The following HDAC9 variants were observed in gnomAD, a reference collection of about 807,000 sequenced individuals.
HDAC9 encodes histone deacetylase 9.
In HDAC9, 41 loss-of-function variants were observed where a neutral mutation model predicts 139.4. The observed-to-expected ratio is 0.29, with a 90% CI of 0.23 to 0.38. HDAC9 has a LOEUF of 0.38. HDAC9 is among the 10% of genes least tolerant of loss of function. The probability of loss-of-function intolerance (pLI) is 1.00; values close to 1 mark genes in which losing one functional copy is unlikely to be tolerated. For missense variants in HDAC9, 1,147 were observed against 1,297.0 expected (o/e 0.88, Z 1.78); for synonymous variants, 517 against 476.2 (o/e 1.09, Z -1.12).
At chr7:18,976,449 T>C (rs530341519) in intron 25 of HDAC9, among the ~76,000 whole-genome samples, 14 of 152,198 alleles carry the variant, frequency 9.2e-5, no homozygotes, top group South Asian at 2.1e-4. Context: ...GTCCAACAAC[T>C]GGATAAAGGG....
intron 2 of HDAC9, among the ~76,000 whole-genome samples, chr7:18,189,920 G>A (rs11767237): frequency 6.9e-6 from 1 of 145,056 alleles, no homozygotes; most frequent in African/African-American, 2.6e-5. Flanking sequence ...ACTTGTGTGT[G>A]GTGTGTGTGT....
intron 12 of HDAC9, among the ~76,000 whole-genome samples, chr7:18,685,788 A>T (rs756196852): frequency 6.6e-6 from 1 of 152,012 alleles, no homozygotes; most frequent in Non-Finnish European, 1.5e-5. Context: ...AAAATAACCT[A>T]ACTAAATTAG....
chr7:18,374,833 T>C (rs1173166799), intron 1 of HDAC9, among the ~76,000 whole-genome samples: 6 of 152,096 alleles, frequency 3.9e-5, no homozygotes, highest in Non-Finnish European at 8.8e-5. Context: ...TGTACAACAG[T>C]GGTCCCATAA....
intron 21 of HDAC9, among the ~76,000 whole-genome samples, chr7:18,865,131 C>T (rs1460807138): frequency 3.9e-5 from 6 of 152,138 alleles, no homozygotes; most frequent in East Asian, 3.9e-4. Context: ...TTAAGCTGGC[C>T]GGCTGCCATT....
intron 25 of HDAC9, among the ~76,000 whole-genome samples, chr7:18,983,156 G>A (rs146618695): frequency 1.5e-4 from 23 of 152,224 alleles, no homozygotes; most frequent in African/African-American, 4.3e-4. Context: ...TTCTGTTTCA[G>A]AGTTTGACTA....
At chr7:18,540,920 T>C (rs991687765) in intron 2 of HDAC9, among the ~76,000 whole-genome samples, 3 of 152,146 alleles carry the variant, frequency 2.0e-5, no homozygotes, top group Non-Finnish European at 4.4e-5. Flanking sequence ...AGAAGATAGA[T>C]ACTATTATTT....
intron 22 of HDAC9, among the ~76,000 whole-genome samples, chr7:18,903,558 T>C (rs1440053606): frequency 6.6e-6 from 1 of 152,234 alleles, no homozygotes; most frequent in African/African-American, 2.4e-5. Flanking sequence ...TTTTTTACCA[T>C]CGTTTCACTG....
intron 13 of HDAC9, among the ~76,000 whole-genome samples, chr7:18,738,791 AT>A (rs1787169061): frequency 6.6e-6 from 1 of 152,074 alleles, no homozygotes; most frequent in Non-Finnish European, 1.5e-5. Context: ...TACTTCCTGA[AT>A]TTGAATGTTG....
intron 2 of HDAC9, among the ~76,000 whole-genome samples, chr7:18,200,311 C>T (rs775443576): frequency 1.3e-5 from 2 of 152,194 alleles, no homozygotes; most frequent in Non-Finnish European, 2.9e-5. Flanking sequence ...AATTTCCATG[C>T]ATAATTCCCC....
At chr7:18,846,091 A>G (rs1317108942) in intron 21 of HDAC9, among the ~76,000 whole-genome samples, 1 of 152,194 alleles carries the variant, frequency 6.6e-6, no homozygotes, top group Non-Finnish European at 1.5e-5. Flanking sequence ...TTTGATTGCA[A>G]GATAATTATC....
chr7:18,377,516 G>A (rs540094228), intron 1 of HDAC9, among the ~76,000 whole-genome samples: 18 of 152,136 alleles, frequency 1.2e-4, no homozygotes, highest in Admixed American at 5.2e-4. Flanking sequence ...AAATAAACTC[G>A]TTATCCATAT....
chr7:18,316,041 A>T (rs1352864554), intron 1 of HDAC9, among the ~76,000 whole-genome samples: 1 of 152,234 alleles, frequency 6.6e-6, no homozygotes, highest in East Asian at 1.9e-4. Context: ...ATCTGAAAAC[A>T]TCTATAAGCA....
At chr7:18,160,703 G>C (rs1035424140) in intron 1 of HDAC9, among the ~76,000 whole-genome samples, 2 of 152,020 alleles carry the variant, frequency 1.3e-5, no homozygotes, top group Admixed American at 1.3e-4. Context: ...TGCAACCTCT[G>C]CCTCCCGGGT....
chr7:18,625,463 G>A (rs1226221375), intron 6 of HDAC9, among the ~76,000 whole-genome samples: 2 of 152,124 alleles, frequency 1.3e-5, no homozygotes, highest in Non-Finnish European at 2.9e-5. Flanking sequence ...CCTGTGCTTT[G>A]TAGGATGTTT....
intron 25 of HDAC9, among the ~76,000 whole-genome samples, chr7:18,982,738 T>C (rs79136069): frequency 0.016 from 2,439 of 152,292 alleles, 37 homozygotes; most frequent in East Asian, 0.056. Context: ...GCGTGTGTAC[T>C]GTATTTCTTA....
intron 22 of HDAC9, among the ~76,000 whole-genome samples, chr7:18,888,037 A>G (rs1448054848): frequency 6.6e-6 from 1 of 152,168 alleles, no homozygotes; most frequent in Non-Finnish European, 1.5e-5. Flanking sequence ...TCCCTCATTT[A>G]TCTTATCCCA....
chr7:18,253,151 T>C (rs1304618841), intron 2 of HDAC9, among the ~76,000 whole-genome samples: 1 of 152,238 alleles, frequency 6.6e-6, no homozygotes, highest in Non-Finnish European at 1.5e-5. Flanking sequence ...TCCAGTCTAC[T>C]GTTGATGAGC....
intron 22 of HDAC9, among the ~76,000 whole-genome samples, chr7:18,890,070 A>G (rs1315001201): frequency 2.0e-5 from 3 of 152,296 alleles, no homozygotes; most frequent in African/African-American, 4.8e-5. Context: ...ATTTCCTCAT[A>G]TGCAAATAGG....
At chr7:18,912,378 T>C (rs771550875) in intron 22 of HDAC9, among the ~76,000 whole-genome samples, 1 of 152,126 alleles carries the variant, frequency 6.6e-6, no homozygotes, top group Non-Finnish European at 1.5e-5. Context: ...TAGAAAACTA[T>C]AAAAGTATCC....
Sources: gnomAD v4.1 joint callset for allele counts (sites outside exome capture counted in the v4.1 genomes callset) on GRCh38, gnomAD v4.1.1 for gene constraint, MANE v1.5 for transcripts, NCBI Gene and HGNC (gene_info 2026-07-23, HGNC 2026-07-21) for gene names.